Variants in AP1S3 observed in about 807,000 individuals in gnomAD.
AP1S3 encodes the protein AP-1 complex subunit sigma-3.
A neutral mutation model predicts 20.9 loss-of-function variants in AP1S3; 10 were observed. The observed-to-expected ratio is 0.48, with a 90% CI of 0.29 to 0.81. The LOEUF is 0.81. Among genes scored for constraint, AP1S3 ranks in the 30% least tolerant of loss-of-function variants. The pLI, the probability that AP1S3 is intolerant of heterozygous loss-of-function variation, is 0.08. For synonymous variants in AP1S3, 41 were observed against 61.5 expected, an observed-to-expected ratio of 0.67 and a Z score of 1.56; for missense variants, 154 against 183.8, an observed-to-expected ratio of 0.84 and a Z score of 0.94.
chr2:223,763,334 T>C (rs992570308), intron 4 of AP1S3, among the ~76,000 whole-genome samples: 2 of 152,214 alleles, frequency 1.3e-5, no homozygotes, highest in Non-Finnish European at 2.9e-5. Context: ...TATGACAACC[T>C]TTTTAAAACA....
chr2:223,831,251 C>T (rs1692250841), intron 1 of AP1S3, among the ~76,000 whole-genome samples: 1 of 152,152 alleles, frequency 6.6e-6, no homozygotes, highest in Non-Finnish European at 1.5e-5. Context: ...TCATCTCAGC[C>T]TCTCAAATAG....
In AP1S3 at chr2:223,756,633, A is replaced by G. The variant is rs1483332073; in HGVS notation, c.*2082T>C. 1.0e-6 allele frequency: 1 copy of G among 985,246 alleles called. No homozygotes were observed. 61.0% of individuals were successfully genotyped at this position (985,246 alleles called of 1,614,324 possible). On this transcript the variant is annotated 3_prime_UTR_variant, in exon 5 of 5. Coordinates refer to ENST00000396654, the MANE Select transcript of AP1S3 (RefSeq NM_001039569.2). ...ATGGTAACCTGAAGAAATATTGGAT[A>G]GTAAAAGCCTAATGATTATTTTATA...
intron 3 of AP1S3, among the ~76,000 whole-genome samples, chr2:223,771,318 C>T (rs1005998860): frequency 2.6e-5 from 4 of 151,864 alleles, no homozygotes; most frequent in African/African-American, 4.8e-5. Context: ...ACCTGGGCAA[C>T]GGAGTAAGAC....
In AP1S3 at chr2:223,806,208, G is replaced by A. The variant is rs373828154; in HGVS notation, c.4-28339C>T. On this transcript the variant is annotated intron_variant, in intron 1 of 4. Transcript: ENST00000396654. ...CCAAATAACACCTCCTGGTAATCAC[G>A]TCAGGAAATGCAAATGCATGCCATG... Among the ~76,000 whole-genome samples the A allele has an allele frequency of 5.3e-5, 8 of 151,510 alleles. No individual in the cohort carries two copies. The East Asian group carries it at 1.4e-3, about 26-fold the overall frequency.
chr2:223,776,082 T>C (rs1453603078), intron 2 of AP1S3, 73 bp from the exon 3 acceptor site: 2 of 1,154,400 alleles, frequency 1.7e-6, no homozygotes, highest in Admixed American at 2.0e-5. Flanking sequence ...TTCCCACGAA[T>C]ATGCAGTCAC....
chr2:223,795,714 G>T (rs1691321710), intron 1 of AP1S3, among the ~76,000 whole-genome samples: 1 of 152,200 alleles, frequency 6.6e-6, no homozygotes, highest in Non-Finnish European at 1.5e-5. Flanking sequence ...CTAAGTCGAT[G>T]TGAAAAAGTT....
chr2:223,780,345 A>AGTGT (rs1424927955), intron 1 of AP1S3, among the ~76,000 whole-genome samples: 115 of 105,746 alleles, frequency 1.1e-3, no homozygotes, highest in Non-Finnish European at 1.7e-3. Flanking sequence ...AGAGAGAGAG[A>AGTGT]GAGAGAGAGA....
intron 1 of AP1S3, among the ~76,000 whole-genome samples, chr2:223,793,886 C>T (rs1691274283): frequency 1.3e-5 from 2 of 151,970 alleles, no homozygotes; most frequent in African/African-American, 4.8e-5. Context: ...TCAGGTGATC[C>T]TCCTGCCTTG....
chr2:223,812,295 C>T (rs1691750148), intron 1 of AP1S3, among the ~76,000 whole-genome samples: 1 of 152,196 alleles, frequency 6.6e-6, no homozygotes, highest in Admixed American at 6.5e-5. Flanking sequence ...AATCTCAGCT[C>T]ACTGCAACCT....
intron 4 of AP1S3, among the ~76,000 whole-genome samples, chr2:223,762,958 T>C (rs1203716660): frequency 6.6e-6 from 1 of 152,166 alleles, no homozygotes; most frequent in African/African-American, 2.4e-5. Flanking sequence ...CAGTAATTAT[T>C]TTCCTTTATG....
chr2:223,825,700 T>C (rs1381626593), intron 1 of AP1S3, among the ~76,000 whole-genome samples: 2 of 152,046 alleles, frequency 1.3e-5, no homozygotes, highest in African/African-American at 4.8e-5. Context: ...TTTTTTCCTA[T>C]TAATAATAAC....
At chr2:223,808,269 A>G (rs556220598) in intron 1 of AP1S3, among the ~76,000 whole-genome samples, 103 of 152,190 alleles carry the variant, frequency 6.8e-4, no homozygotes, top group African/African-American at 2.4e-3. Context: ...GCTCAACAAC[A>G]TCATTGGCAG....
intron 1 of AP1S3, among the ~76,000 whole-genome samples, chr2:223,804,965 A>C (rs1691545916): frequency 6.6e-6 from 1 of 152,260 alleles, no homozygotes. Context: ...CTTAAAACTT[A>C]CACACATACA....
chr2:223,801,273 C>T (rs576558585), intron 1 of AP1S3, among the ~76,000 whole-genome samples: 1 of 152,234 alleles, frequency 6.6e-6, no homozygotes, highest in East Asian at 1.9e-4. Context: ...GTACCTTGTT[C>T]CAGATCGACG....
chr2:223,792,368 T>A (rs1229896936), intron 1 of AP1S3, among the ~76,000 whole-genome samples: 2 of 151,980 alleles, frequency 1.3e-5, no homozygotes, highest in Non-Finnish European at 2.9e-5. Flanking sequence ...AATAGAAAAC[T>A]CAGAAATAAG....
intron 1 of AP1S3, among the ~76,000 whole-genome samples, chr2:223,808,048 C>T (rs1161242064): frequency 2.6e-5 from 4 of 151,674 alleles, no homozygotes; most frequent in Non-Finnish European, 5.9e-5. Flanking sequence ...GATCACCACG[C>T]CCAGCTAATT....
intron 1 of AP1S3, among the ~76,000 whole-genome samples, chr2:223,784,492 T>C (rs1416327037): frequency 6.6e-6 from 1 of 152,086 alleles, no homozygotes; most frequent in Non-Finnish European, 1.5e-5. Context: ...ACCTACCTCT[T>C]TGAGAGCACG....
chr2:223,755,529 ATTTTTT>A lies in AP1S3; in HGVS notation c.*3180_*3185del, dbSNP rs66977512. Among the ~76,000 whole-genome samples, 1 of 118,228 alleles carries A rather than the reference ATTTTTT, an allele frequency of 8.5e-6. No homozygotes were observed. Among genetic ancestry groups the A allele is most frequent in the Non-Finnish European group, 1.7e-5 (1 of 58,050 alleles). The allele number at this position is 118,228 out of a possible 152,430, so 77.6% of individuals were successfully genotyped here. On this transcript the variant is annotated 3_prime_UTR_variant, in exon 5 of 5. Coordinates refer to ENST00000396654, the MANE Select transcript of AP1S3 (RefSeq NM_001039569.2). ...CATATAGATATGTTTACTTACTTTC[ATTTTTT>A]TTTTTTTTTTTTTGAGACAGGGTCT...
At chr2:223,808,944 G>T (rs1212314987) in intron 1 of AP1S3, among the ~76,000 whole-genome samples, 1 of 152,158 alleles carries the variant, frequency 6.6e-6, no homozygotes, top group Non-Finnish European at 1.5e-5. Flanking sequence ...GCAGTGAGCT[G>T]TGTTTGTACC....
Sources: allele counts gnomAD v4.1 joint callset (sites outside exome capture counted in the v4.1 genomes callset), GRCh38; gene constraint gnomAD v4.1.1; transcripts MANE v1.5; gene names NCBI Gene and HGNC (gene_info 2026-07-23, HGNC 2026-07-21).